ARID1B: variants seen among roughly 807,000 people sequenced by gnomAD.
The protein encoded by ARID1B is AT-rich interactive domain-containing protein 1B.
Under a neutral mutation model 212.3 loss-of-function variants are expected in ARID1B, and 30 were observed. The observed-to-expected ratio is 0.14, with a 90% confidence interval of 0.11 to 0.19. ARID1B has a LOEUF of 0.19. Ranked by LOEUF, ARID1B falls within the 10% of genes least tolerant of loss-of-function variation. ARID1B has a pLI of 1.00. For synonymous variants in ARID1B, 1,402 were observed against 1,301.7 expected (o/e 1.08, Z -1.66); for missense variants, 2,891 against 3,204.0 (o/e 0.90, Z 2.36).
chr6:157,186,427 C>T (rs1423097855), intron 13 of ARID1B: 3 of 470,928 alleles, frequency 6.4e-6, no homozygotes, highest in African/African-American at 2.0e-5. Flanking sequence ...CGTCCAGCCC[C>T]GAGAGCGCGT....
chr6:157,144,123 GA>G (rs1411496759), intron 7 of ARID1B, among the ~76,000 whole-genome samples: 3 of 152,352 alleles, frequency 2.0e-5, no homozygotes, highest in African/African-American at 7.2e-5. Context: ...GTGAGAGATG[GA>G]GGTAGGGTAC....
Position 156,896,236 on chromosome 6 carries a change from G to A in ARID1B, c.1987-5140G>A, listed in dbSNP as rs140564343. On this transcript the variant is annotated intron_variant, in intron 2 of 19. Transcript: ENST00000636930. ...TATATACTTAACAAGGCGCATGGCC[G>A]GGTCATGGGGTCAGTGTACCTTTAA... Among the ~76,000 whole-genome samples, 282 of 152,186 alleles carry A rather than the reference G, an allele frequency of 1.9e-3. 1 individual carries two copies. Among genetic ancestry groups the A allele is most frequent in the Admixed American group, 5.8e-3 (89 of 15,282 alleles).
At chr6:157,035,383 C>T (rs916745799) in intron 4 of ARID1B, among the ~76,000 whole-genome samples, 17 of 152,162 alleles carry the variant, frequency 1.1e-4, no homozygotes, top group Non-Finnish European at 1.9e-4. Flanking sequence ...ATTTCCTGTT[C>T]GCGTTTTTCC....
chr6:156,839,695 A>C (rs1306167120), intron 2 of ARID1B, among the ~76,000 whole-genome samples: 1 of 152,198 alleles, frequency 6.6e-6, no homozygotes, highest in Non-Finnish European at 1.5e-5. Context: ...GATGTATCAC[A>C]GCACACTTCC....
At chr6:156,821,400 G>A (rs531972309) in intron 1 of ARID1B, among the ~76,000 whole-genome samples, 2 of 152,306 alleles carry the variant, frequency 1.3e-5, no homozygotes, top group African/African-American at 4.8e-5. Context: ...TATATGTCAC[G>A]CAGAAAAGAG....
rs748837610 is a variant in ARID1B, at chr6:156,860,649, A to G, written c.1986+31228A>G. Among the ~76,000 whole-genome samples the G allele has an allele frequency of 1.1e-4, 17 of 152,318 alleles. No individual in the cohort carries two copies. The South Asian group carries it at 2.9e-3, about 26-fold the overall frequency. ...TACTTGGAGGTGATTGTAGGAGAAG[A>G]AAAGGATTTCAGTCTTCAGTTGGCA... is the stretch of plus-strand genomic sequence containing the variant. On this transcript the variant is annotated intron_variant, in intron 2 of 19. Coordinates refer to ENST00000636930, the MANE Select transcript of ARID1B (RefSeq NM_001374828.1).
intron 1 of ARID1B, among the ~76,000 whole-genome samples, chr6:156,825,553 A>G (rs1211120983): frequency 6.6e-6 from 1 of 152,246 alleles, no homozygotes; most frequent in Non-Finnish European, 1.5e-5. Context: ...CACTGATAAG[A>G]TGAATTTGCT....
intron 4 of ARID1B, among the ~76,000 whole-genome samples, chr6:157,011,908 C>G (rs1001655484): frequency 6.6e-6 from 1 of 151,928 alleles, no homozygotes; most frequent in Non-Finnish European, 1.5e-5. Context: ...ATGCCTAGAC[C>G]GAAGCTATAG....
At position 157,203,927 on chromosome 6, in the gene ARID1B, G is replaced by A. The variant is rs146620657; in HGVS notation, c.5325G>A (p.Thr1775=). 3.1e-6 allele frequency: 5 copies of A among 1,613,976 alleles called. No homozygotes were observed. The highest frequency in any genetic ancestry group is 1.1e-5 in the South Asian group (1 of 91,086). ...SLKSGLLAES[T]WALDTINILL... ...AATCAGGTCTTTTGGCTGAGAGTAC[G>A]TGGGCTTTGGACACTATTAATATTC... Residue 1775 remains threonine, a synonymous_variant, in exon 19 of 20, where the codon ACG becomes ACA. Coordinates refer to ENST00000636930, the MANE Select transcript of ARID1B (RefSeq NM_001374828.1). This position sits in a 1 kb window ranked among gnomAD's most constrained non-coding sequence, Gnocchi z 4.4.
At chr6:156,855,173 A>G (rs1784830874) in intron 2 of ARID1B, among the ~76,000 whole-genome samples, 1 of 152,226 alleles carries the variant, frequency 6.6e-6, no homozygotes, top group African/African-American at 2.4e-5. Context: ...CCACTTTTGG[A>G]AGAGCAAGTT....
intron 4 of ARID1B, among the ~76,000 whole-genome samples, chr6:157,015,662 C>T (rs994522703): frequency 1.8e-4 from 28 of 152,174 alleles, no homozygotes; most frequent in Non-Finnish European, 3.8e-4. Flanking sequence ...CTTCTGTAGC[C>T]TGTTTCTATT....
At chr6:157,135,773 C>A (rs1382261881) in intron 7 of ARID1B, among the ~76,000 whole-genome samples, 2 of 152,208 alleles carry the variant, frequency 1.3e-5, no homozygotes, top group Non-Finnish European at 2.9e-5. Flanking sequence ...AGAAAGGGAT[C>A]CTAATAAAGG....
chr6:156,806,424 A>G (rs1286603660), intron 1 of ARID1B, among the ~76,000 whole-genome samples: 1 of 152,210 alleles, frequency 6.6e-6, no homozygotes, highest in East Asian at 1.9e-4. Context: ...CCTTTCTTCT[A>G]AAAACACATT....
intron 4 of ARID1B, among the ~76,000 whole-genome samples, chr6:157,039,168 C>T (rs1250361427): frequency 2.0e-5 from 3 of 152,050 alleles, no homozygotes; most frequent in Admixed American, 6.6e-5. Context: ...AGCCACTGCT[C>T]CTGACCTCAT....
chr6:156,944,704 C>G (rs979203144), intron 4 of ARID1B, among the ~76,000 whole-genome samples: 5 of 152,132 alleles, frequency 3.3e-5, no homozygotes, highest in African/African-American at 1.2e-4. Context: ...GTATCTGAGG[C>G]CTCCCTTCAC....
rs539675296 is a variant in ARID1B, at chr6:157,003,866, A to T, written c.2247+68290A>T. Among the ~76,000 whole-genome samples, 547 of 148,954 alleles carry T rather than the reference A, an allele frequency of 3.7e-3. 1 individual carries two copies. Among genetic ancestry groups the T allele is most frequent in the African/African-American group, 0.012 (496 of 40,580 alleles). ...ACTGTTCCTGGATAATTAAAAAAAA[A>T]TTTTTTTTTTTCACTTTGGCCGAGA... On this transcript the variant is annotated intron_variant, in intron 4 of 19. Transcript: ENST00000636930.
intron 17 of ARID1B, among the ~76,000 whole-genome samples, chr6:157,199,236 G>A (rs1484486434): frequency 6.6e-6 from 1 of 152,120 alleles, no homozygotes; most frequent in African/African-American, 2.4e-5. Context: ...TGTATCAGAA[G>A]CCATTTTAGA....
chr6:156,804,485 G>C (rs1212354642), intron 1 of ARID1B, among the ~76,000 whole-genome samples: 1 of 152,148 alleles, frequency 6.6e-6, no homozygotes, highest in East Asian at 1.9e-4. Context: ...ATAAAGGAAA[G>C]AGGTTTAGTT....
intron 4 of ARID1B, chr6:156,941,544 A>G (rs1490799988): frequency 1.3e-5 from 2 of 152,234 alleles, no homozygotes; most frequent in East Asian, 3.8e-4. Flanking sequence ...AGAAAATATG[A>G]TAGTGACTCT....
Sources: allele counts gnomAD v4.1 joint callset (sites outside exome capture counted in the v4.1 genomes callset), GRCh38; gene constraint gnomAD v4.1.1; non-coding constraint Gnocchi (gnomAD v3.1); transcripts MANE v1.5; gene names NCBI Gene and HGNC (gene_info 2026-07-23, HGNC 2026-07-21).